The following LATS1 variants were observed in gnomAD, a reference collection of about 807,000 sequenced individuals.
LATS1 encodes the protein large tumor suppressor kinase 1, also known as serine/threonine-protein kinase LATS1.
A neutral mutation model predicts 106.6 loss-of-function variants in LATS1; 25 were observed. The ratio of observed to expected loss-of-function variants is 0.23; its 90% CI spans 0.17 to 0.33. LATS1 has a LOEUF of 0.33. LATS1 is among the 10% of genes least tolerant of loss of function. The probability of loss-of-function intolerance (pLI) is 1.00; values close to 1 mark genes in which losing one functional copy is unlikely to be tolerated. For synonymous variants in LATS1, 465 were observed against 455.6 expected, an observed-to-expected ratio of 1.02 and a Z score of -0.26; for missense variants, 1,040 against 1,382.6, an observed-to-expected ratio of 0.75 and a Z score of 3.93.
rs367760623 is a variant in LATS1, at chr6:149,701,927, T to C, written c.200A>G (p.Asn67Ser). ...MSTEDPRQVR[N>S]PPKFGTHHKA... ...ATGATGCGTCCCAAATTTGGGTGGA[T>C]TTCTGACTTGTCGAGGATCTTCGGT... The change falls in exon 2 of 8, where the codon AAT (asparagine) becomes AGT (serine). Residue 67 changes from asparagine (N) to serine (S), a missense_variant. Coordinates refer to ENST00000543571, the MANE Select transcript of LATS1 (RefSeq NM_004690.4). The C allele has an allele frequency of 5.6e-6, 9 of 1,614,098 alleles. No homozygotes were observed. Among genetic ancestry groups the C allele is most frequent in the African/African-American group, 1.3e-5 (1 of 74,940 alleles).
intron 4 of LATS1, among the ~76,000 whole-genome samples, chr6:149,681,544 G>A (rs1226307530): frequency 1.3e-5 from 2 of 151,858 alleles, no homozygotes; most frequent in Admixed American, 6.6e-5. Context: ...AAGTGAAGAG[G>A]AAAAAGGAAA....
chr6:149,686,755 TCCTG>T (rs950985905), intron 3 of LATS1, among the ~76,000 whole-genome samples: 4 of 152,228 alleles, frequency 2.6e-5, no homozygotes, highest in African/African-American at 7.2e-5. Flanking sequence ...CCTAATGAGC[TCCTG>T]CCTATTTGCT....
intron 4 of LATS1, among the ~76,000 whole-genome samples, chr6:149,682,098 G>A (rs1389429709): frequency 3.6e-5 from 5 of 139,978 alleles, no homozygotes; most frequent in Non-Finnish European, 1.5e-5. Flanking sequence ...GCGACAGAGT[G>A]AGATGTCGTC....
At position 149,658,476 on chromosome 6, in the gene LATS1, A is replaced by T. The variant is rs1282166284; in HGVS notation, c.*3253T>A. The T allele has an allele frequency of 1.3e-5, 2 of 152,166 alleles. No homozygotes were observed. Among genetic ancestry groups the T allele is most frequent in the African/African-American group, 4.8e-5 (2 of 41,454 alleles). The allele number at this position is 152,166 out of a possible 1,614,324, so 9.4% of individuals were successfully genotyped here. Reference sequence around the variant, plus strand: ...ACAAATATACCAATATTTTGACCCAAATTACTTTTTGCTTTAGATTAAAAT... The same window carrying T: ...ACAAATATACCAATATTTTGACCCATATTACTTTTTGCTTTAGATTAAAAT... On this transcript the variant is annotated 3_prime_UTR_variant, in exon 8 of 8. Transcript: ENST00000543571.
chr6:149,662,577 T>A (rs1305407025), intron 7 of LATS1, among the ~76,000 whole-genome samples: 2 of 152,146 alleles, frequency 1.3e-5, no homozygotes, highest in African/African-American at 4.8e-5. Context: ...CTGAAATATA[T>A]CCATTAAGGC....
intron 7 of LATS1, among the ~76,000 whole-genome samples, chr6:149,670,037 G>A (rs1476950380): frequency 6.6e-6 from 1 of 151,056 alleles, no homozygotes; most frequent in Non-Finnish European, 1.5e-5. Context: ...CCAGGTGTTG[G>A]GGAGGGCACC....
chr6:149,698,446 A>C (rs1783235044), intron 2 of LATS1, among the ~76,000 whole-genome samples: 1 of 151,314 alleles, frequency 6.6e-6, no homozygotes, highest in African/African-American at 2.4e-5. Flanking sequence ...GGGTCTCACT[A>C]TGTTGCCCAG....
chr6:149,708,443 G>A (rs1045263690), intron 1 of LATS1, among the ~76,000 whole-genome samples: 2 of 151,078 alleles, frequency 1.3e-5, no homozygotes, highest in Admixed American at 1.3e-4. Flanking sequence ...AATTTCAATT[G>A]TAAGATAATC....
At chr6:149,705,317 C>A (rs1490006206) in intron 1 of LATS1, among the ~76,000 whole-genome samples, 1 of 152,098 alleles carries the variant, frequency 6.6e-6, no homozygotes, top group East Asian at 1.9e-4. Flanking sequence ...TTTAGCTCGC[C>A]AGTCTAAAGT....
intron 7 of LATS1, among the ~76,000 whole-genome samples, chr6:149,669,457 A>G (rs1244701398): frequency 1.3e-5 from 2 of 152,018 alleles, no homozygotes; most frequent in African/African-American, 4.8e-5. Flanking sequence ...ACGTATGTAG[A>G]TGTAATGTAT....
At position 149,659,542 on chromosome 6, in the gene LATS1, G is replaced by A; in HGVS notation, c.*2187C>T. ...GGGGGAATACAGATTTTGTGGGAAG[G>A]GAAGGGGGAGGAGACAGCACCTTAG... On this transcript the variant is annotated 3_prime_UTR_variant, in exon 8 of 8. Coordinates refer to ENST00000543571, the MANE Select transcript of LATS1 (RefSeq NM_004690.4). 1 of 230,580 alleles carries A rather than the reference G, an allele frequency of 4.3e-6. No homozygotes were observed. The highest frequency in any genetic ancestry group is 8.6e-6 in the Non-Finnish European group (1 of 116,446). 14.3% of individuals were successfully genotyped at this position (230,580 alleles called of 1,614,324 possible).
rs1408627489 is a variant in LATS1 at position 149,661,626 on chromosome 6, T to C, written c.*103A>G. Reference sequence around the variant, plus strand: ...TAAAATATTGTACACAGAGCACACATATATAGCTCTGTCATATTTGCATAA... The same window carrying C: ...TAAAATATTGTACACAGAGCACACACATATAGCTCTGTCATATTTGCATAA... On this transcript the variant is annotated 3_prime_UTR_variant, in exon 8 of 8. Coordinates refer to ENST00000543571, the MANE Select transcript of LATS1 (RefSeq NM_004690.4). The C allele has an allele frequency of 1.1e-6, 1 of 884,802 alleles. No homozygotes were observed. Among genetic ancestry groups the C allele is most frequent in the South Asian group, 1.8e-5 (1 of 56,284 alleles). The allele number at this position is 884,802 out of a possible 1,614,324, so 54.8% of individuals were successfully genotyped here. A position where few individuals can be genotyped will look rare whatever the true frequency, so the allele number is the denominator to read the frequency against.
chr6:149,708,864 A>G (rs1783937586), intron 1 of LATS1, among the ~76,000 whole-genome samples: 1 of 152,210 alleles, frequency 6.6e-6, no homozygotes, highest in South Asian at 2.1e-4. Context: ...ATAGACAAAG[A>G]CTGCCCAAAT....
At chr6:149,678,148 G>A (rs536831678) in intron 5 of LATS1, among the ~76,000 whole-genome samples, 21 of 113,880 alleles carry the variant, frequency 1.8e-4, no homozygotes, top group Admixed American at 5.1e-4. Context: ...GTGAAACCTG[G>A]TCTCTACTAA....
In LATS1 at chr6:149,684,159, C is replaced by G; in HGVS notation, c.930G>C (p.Met310Ile). ...YPPPPLNTSPMNPPNQGQRGI... is the reference protein window; with the variant it reads ...YPPPPLNTSPINPPNQGQRGI... ...CTCTCTGTCCTTGATTAGGAGGATT[C>G]ATGGGGGAAGTGTTGAGAGGTGGTG... The change falls in exon 4 of 8, where the codon ATG becomes ATC. Residue 310 changes from methionine to isoleucine, a missense_variant. Around this residue, in one of 7 missense-constraint regions of LATS1, gnomAD observed 624 missense variants for 714.8 expected, o/e 0.87. Transcript: ENST00000543571. The G allele has an allele frequency of 6.2e-7, 1 of 1,614,198 alleles. No homozygotes were observed. Among genetic ancestry groups the G allele is most frequent in the Non-Finnish European group, 8.5e-7 (1 of 1,180,036 alleles).
intron 3 of LATS1, among the ~76,000 whole-genome samples, chr6:149,691,633 C>T (rs1204137495): frequency 6.6e-6 from 1 of 152,132 alleles, no homozygotes; most frequent in Non-Finnish European, 1.5e-5. Flanking sequence ...TCTTCTCTGT[C>T]CCCTTTGCAG....
chr6:149,661,771 G>A lies in LATS1; in HGVS notation c.3351C>T (p.Asn1117=). The change falls in exon 8 of 8, where the codon AAC becomes AAT. Residue 1117 remains asparagine (N), a synonymous_variant. Coordinates refer to ENST00000543571, the MANE Select transcript of LATS1 (RefSeq NM_004690.4). ...CGCGATTTTTAATCTCTGAGCCTGT[G>A]TTTTGATCATCTTCATCCGACTGCT... The part of the protein sequence containing the change: ...SEQQSDEDDQ[N]TGSEIKNRDL... The A allele has an allele frequency of 6.3e-7, 1 of 1,592,176 alleles. No individual in the cohort carries two copies. The highest frequency in any genetic ancestry group is 8.5e-7 in the Non-Finnish European group (1 of 1,170,984).
At chr6:149,668,281 G>C (rs1781263903) in intron 7 of LATS1, among the ~76,000 whole-genome samples, 1 of 151,966 alleles carries the variant, frequency 6.6e-6, no homozygotes, top group African/African-American at 2.4e-5. Flanking sequence ...GAAATTAAGA[G>C]ACTCTGTTGT....
intron 1 of LATS1, among the ~76,000 whole-genome samples, chr6:149,711,949 T>TA (rs1480795876): frequency 6.6e-6 from 1 of 151,632 alleles, no homozygotes; most frequent in African/African-American, 2.4e-5. Flanking sequence ...GGAAGGGAGA[T>TA]AGAGAGGAGA....
Sources: gnomAD v4.1 joint callset for allele counts (sites outside exome capture counted in the v4.1 genomes callset) on GRCh38, gnomAD v4.1.1 for gene constraint, gnomAD v4.1.1 regional missense constraint, MANE v1.5 for transcripts, NCBI Gene and HGNC (gene_info 2026-07-23, HGNC 2026-07-21) for gene names.